The following INTS6L variants were observed in gnomAD, a reference collection of about 807,000 sequenced individuals.
INTS6L encodes integrator complex subunit 6-like.
Under a neutral mutation model 64.7 loss-of-function variants are expected in INTS6L, and 18 were observed. The observed-to-expected ratio is 0.28, with a 90% CI of 0.19 to 0.41. The LOEUF is 0.41. INTS6L is among the 10% of genes least tolerant of loss of function. INTS6L has a pLI of 1.00. For missense variants in INTS6L, 533 were observed against 661.0 expected (o/e 0.81, Z 2.12); for synonymous variants, 227 against 235.9 (o/e 0.96, Z 0.34).
chrX:135,560,704 C>T lies in INTS6L; in HGVS notation c.1192+4404C>T, dbSNP rs958327157. 6.4e-5 allele frequency among the ~76,000 whole-genome samples: 7 copies of T among 109,485 alleles called. No individual in the cohort carries two copies. The East Asian group carries it at 8.9e-4, about 14-fold the overall frequency. ...CTAAAAAATACAAAAATTAGCTGGG[C>T]GTGGTGGCACGCACCTGTAGTCCCA... On this transcript the variant is annotated intron_variant, in intron 9 of 17. Transcript: ENST00000639893.
intron 2 of INTS6L, among the ~76,000 whole-genome samples, chrX:135,525,911 T>G (rs1225864360): frequency 3.6e-5 from 4 of 112,248 alleles, no homozygotes; most frequent in African/African-American, 1.3e-4. Flanking sequence ...TGATCTTGCT[T>G]TCTTATCCAC....
rs1259212857 is a variant in INTS6L at position 135,545,731 on chromosome X, C to G, written c.339+159C>G. Among the ~76,000 whole-genome samples the G allele has an allele frequency of 4.5e-5, 5 of 111,935 alleles. No homozygotes were observed. In the Admixed American group the frequency reaches 4.7e-4, roughly 11 times the overall value. Reference sequence around the variant, plus strand: ...TATATACTTTTTAAAAATCCCTCTTCTTTTGGTTCTTGTATATGGCTTGAT... The same window carrying G: ...TATATACTTTTTAAAAATCCCTCTTGTTTTGGTTCTTGTATATGGCTTGAT... On this transcript the variant is annotated intron_variant, in intron 3 of 17. Coordinates refer to ENST00000639893, the MANE Select transcript of INTS6L (RefSeq NM_001351601.3).
intron 9 of INTS6L, among the ~76,000 whole-genome samples, chrX:135,568,230 TA>T (rs1378020769): frequency 8.9e-6 from 1 of 111,947 alleles, no homozygotes; most frequent in Non-Finnish European, 1.9e-5. Context: ...AAAATGTATT[TA>T]GATTATTAAA....
At chrX:135,552,221 G>T in intron 8 of INTS6L, 75 bp downstream of exon 8, 1 of 1,021,307 alleles carries the variant, frequency 9.8e-7, no homozygotes, top group East Asian at 3.3e-5. Context: ...AAGCTTCAAA[G>T]GTTATTCTCA....
At chrX:135,562,820 G>A (rs1264410207) in intron 9 of INTS6L, among the ~76,000 whole-genome samples, 1 of 111,884 alleles carries the variant, frequency 8.9e-6, no homozygotes, top group Non-Finnish European at 1.9e-5. Context: ...ATGTTTGCAT[G>A]ATATATCTTT....
intron 2 of INTS6L, among the ~76,000 whole-genome samples, chrX:135,526,224 G>A (rs1480451405): frequency 2.7e-5 from 3 of 110,762 alleles, no homozygotes; most frequent in African/African-American, 9.9e-5. Context: ...ATTCCTTCCC[G>A]TCATTGCCCT....
At position 135,552,044 on chromosome X, in the gene INTS6L, G is replaced by T; in HGVS notation, c.957G>T (p.Glu319Asp). The change falls in exon 8 of 18, where the codon GAG (glutamate) becomes GAT (aspartate). Residue 319 changes from glutamate to aspartate, a missense_variant. Transcript: ENST00000639893. ...PVVRFSCVDC[E>D]PMVIDKLPFD... ...TGAGGTTCTCCTGTGTAGATTGTGA[G>T]CCAATGGTAATAGACAAACTTCCTT... 1 of 1,197,612 alleles carries T rather than the reference G, an allele frequency of 8.3e-7. No individual in the cohort carries two copies. The highest frequency in any genetic ancestry group is 3.0e-5 in the East Asian group (1 of 33,171).
intron 2 of INTS6L, among the ~76,000 whole-genome samples, chrX:135,537,982 A>G (rs1178986117): frequency 2.7e-5 from 3 of 112,715 alleles, no homozygotes; most frequent in Non-Finnish European, 5.6e-5. Flanking sequence ...GCCAGTCATA[A>G]TCTTTTTGCT....
At position 135,581,583 on chromosome X, in the gene INTS6L, TC is replaced by T; in HGVS notation, c.2647del (p.His883ThrfsTer45). The T allele has an allele frequency of 8.3e-7, 1 of 1,210,893 alleles. No individual in the cohort carries two copies. Among genetic ancestry groups the T allele is most frequent in the Non-Finnish European group, 1.1e-6 (1 of 895,005 alleles). On this transcript the variant is annotated frameshift_variant, in exon 18 of 18. Transcript: ENST00000639893. LOFTEE classifies it high-confidence loss of function. Reference sequence around the variant, plus strand: ...TGAGAAGGTACTAGAAAAAATAAATTCCCACCACCTTCACAACAACATTAGT... The same window carrying T: ...TGAGAAGGTACTAGAAAAAATAAATTCCACCACCTTCACAACAACATTAGT... Reference protein sequence around the residue: ...YLEKVLEKINSHHLHNNISHI... With the variant: ...YLEKVLEKINXHHLHNNISHI...
chrX:135,539,386 A>G (rs1303784031), intron 2 of INTS6L, among the ~76,000 whole-genome samples: 3 of 112,017 alleles, frequency 2.7e-5, no homozygotes, highest in Non-Finnish European at 5.6e-5. Context: ...CAGCCTTCAT[A>G]GAGTTGAAGA....
Position 135,581,595 on chromosome X carries a change from CACA to C in INTS6L, c.2663_2665del (p.Asn888del), listed in dbSNP as rs1309674638. The C allele has an allele frequency of 3.3e-6, 4 of 1,208,819 alleles. No homozygotes were observed. The highest frequency in any genetic ancestry group is 3.5e-5 in the African/African-American group (2 of 57,138). On this transcript the variant is annotated inframe_deletion, in exon 18 of 18. Transcript: ENST00000639893. ...AGAAAAAATAAATTCCCACCACCTT[CACA>C]ACAACATTAGTCACATCAACAGCAG...
Position 135,570,451 on chromosome X carries a change from C to T in INTS6L, c.1303C>T (p.Leu435=). The T allele has an allele frequency of 3.5e-6, 4 of 1,150,475 alleles. No homozygotes were observed. Among genetic ancestry groups the T allele is most frequent in the Non-Finnish European group, 4.6e-6 (4 of 868,836 alleles). 94.8% of individuals were successfully genotyped at this position (1,150,475 alleles called of 1,213,427 possible). Residue 435 remains leucine (L), a synonymous_variant, in exon 11 of 18, where the codon CTA becomes TTA. Transcript: ENST00000639893. Reference sequence around the variant, plus strand: ...TTCCTTATAGCCATTAAAGAAAGCACTAAGGATGATGGGAGCTCCAAATCT... The same window carrying T: ...TTCCTTATAGCCATTAAAGAAAGCATTAAGGATGATGGGAGCTCCAAATCT... The part of the protein sequence containing the change: ...PYYLLPLKKA[L]RMMGAPNLIS...
At chrX:135,551,699 C>T (rs782814546) in intron 7 of INTS6L, among the ~76,000 whole-genome samples, 23 of 111,932 alleles carry the variant, frequency 2.1e-4, no homozygotes, top group Admixed American at 1.1e-3. Flanking sequence ...ATCATAAGCA[C>T]TTCTTAAACA....
At chrX:135,530,051 T>C (rs2085863296) in intron 2 of INTS6L, among the ~76,000 whole-genome samples, 1 of 112,139 alleles carries the variant, frequency 8.9e-6, no homozygotes. Context: ...AAATTCCTTT[T>C]GATAACTTCT....
chrX:135,580,429 A>G (rs1387606190), intron 16 of INTS6L, among the ~76,000 whole-genome samples: 4 of 112,819 alleles, frequency 3.5e-5, no homozygotes, highest in African/African-American at 1.3e-4. Flanking sequence ...TATTATATTA[A>G]GTTCTGGAAG....
chrX:135,523,038 C>T (rs1157602814), intron 2 of INTS6L, among the ~76,000 whole-genome samples: 5 of 111,558 alleles, frequency 4.5e-5, no homozygotes, highest in Non-Finnish European at 9.4e-5. Flanking sequence ...CTCCTTAATT[C>T]GAAGTAGTAA....
rs782453862 is a variant in INTS6L at position 135,570,714 on chromosome X, C to A, written c.1398+168C>A. 1.1e-5 allele frequency: 6 copies of A among 549,825 alleles called. No individual in the cohort carries two copies. In the South Asian group the frequency reaches 1.3e-4, roughly 12 times the overall value. The allele number at this position is 549,825 out of a possible 1,213,427, so 45.3% of individuals were successfully genotyped here. A position where few individuals can be genotyped will look rare whatever the true frequency, so the allele number is the denominator to read the frequency against. ...GGCTTCTAGCTTCACCATTAAGCTG[C>A]AGTTAAGGGTCTGTCAGTATCATTT... is the stretch of plus-strand genomic sequence containing the variant. On this transcript the variant is annotated intron_variant, in intron 11 of 17. Coordinates refer to ENST00000639893, the MANE Select transcript of INTS6L (RefSeq NM_001351601.3).
chrX:135,563,639 A>G (rs781929150), intron 9 of INTS6L, among the ~76,000 whole-genome samples: 1,750 of 10,987 alleles, frequency 0.16, 39 homozygotes, highest in South Asian at 0.3. Context: ...GTGTGTATAT[A>G]TATATATATA....
intron 2 of INTS6L, among the ~76,000 whole-genome samples, chrX:135,532,318 T>C (rs2085933079): frequency 8.9e-6 from 1 of 112,621 alleles, no homozygotes; most frequent in South Asian, 3.6e-4. Flanking sequence ...AGAGCAAAGC[T>C]CTCCACTTTT....
Sources: allele counts gnomAD v4.1 joint callset (sites outside exome capture counted in the v4.1 genomes callset), GRCh38; gene constraint gnomAD v4.1.1; transcripts MANE v1.5; gene names NCBI Gene and HGNC (gene_info 2026-07-23, HGNC 2026-07-21).